The following HIPK2 variants were observed in gnomAD, a reference collection of about 807,000 sequenced individuals.
The protein encoded by HIPK2 is homeodomain interacting protein kinase 2.
A neutral mutation model predicts 113.7 loss-of-function variants in HIPK2; 27 were observed. That is an observed-to-expected ratio of 0.24 (90% CI 0.17 to 0.33). The LOEUF (loss-of-function observed/expected upper bound fraction) is 0.33. Among genes scored for constraint, HIPK2 ranks in the 10% least tolerant of loss-of-function variants. The pLI is 1.00. For synonymous variants in HIPK2, 631 were observed against 642.2 expected (o/e 0.98, Z 0.26); for missense variants, 1,257 against 1,588.0 (o/e 0.79, Z 3.54).
At chr7:139,700,393 A>G (rs1231114550) in intron 2 of HIPK2, among the ~76,000 whole-genome samples, 6 of 152,332 alleles carry the variant, frequency 3.9e-5, no homozygotes, top group Admixed American at 6.5e-5. Flanking sequence ...TAAGGCTGCA[A>G]GAGCTACCTC....
intron 2 of HIPK2, among the ~76,000 whole-genome samples, chr7:139,660,936 G>A (rs951150278): frequency 6.6e-6 from 1 of 151,966 alleles, no homozygotes; most frequent in Non-Finnish European, 1.5e-5. Flanking sequence ...CAAAGAACAC[G>A]CACGTGGATG....
intron 1 of HIPK2, among the ~76,000 whole-genome samples, chr7:139,751,738 G>C (rs1796282843): frequency 6.6e-6 from 1 of 152,012 alleles, no homozygotes; most frequent in Non-Finnish European, 1.5e-5. Context: ...AATGACTAAG[G>C]GCTTGAGAAG....
chr7:139,696,261 C>G (rs1794563730), intron 2 of HIPK2, among the ~76,000 whole-genome samples: 1 of 152,038 alleles, frequency 6.6e-6, no homozygotes, highest in African/African-American at 2.4e-5. Flanking sequence ...TGTGGCAAAC[C>G]AGGAATGGGA....
intron 1 of HIPK2, among the ~76,000 whole-genome samples, chr7:139,755,549 T>C (rs1323495666): frequency 6.6e-6 from 1 of 152,204 alleles, no homozygotes; most frequent in Non-Finnish European, 1.5e-5. Flanking sequence ...ACGGGGAAAA[T>C]CCCCACCTAA....
intron 13 of HIPK2, among the ~76,000 whole-genome samples, chr7:139,582,968 G>C (rs1798716597): frequency 6.6e-6 from 1 of 152,268 alleles, no homozygotes; most frequent in African/African-American, 2.4e-5. Context: ...GACCTCAGGT[G>C]ACAGACATGA....
At chr7:139,585,973 G>A (rs954815066) in intron 12 of HIPK2, among the ~76,000 whole-genome samples, 1 of 152,036 alleles carries the variant, frequency 6.6e-6, no homozygotes, top group African/African-American at 2.4e-5. Flanking sequence ...CTGCCCTCGA[G>A]GAGATTAAAA....
chr7:139,610,867 G>C (rs1374878235), intron 9 of HIPK2, among the ~76,000 whole-genome samples: 2 of 152,214 alleles, frequency 1.3e-5, no homozygotes, highest in Admixed American at 6.5e-5. Context: ...ATTGAGGCGA[G>C]TGAATGGAAT....
In HIPK2 at chr7:139,583,839, C is replaced by T. The variant is rs1265827863; in HGVS notation, c.2943G>A (p.Val981=). The T allele has an allele frequency of 1.9e-6, 3 of 1,612,016 alleles. No individual in the cohort carries two copies. Among genetic ancestry groups the T allele is most frequent in the Non-Finnish European group, 8.5e-7 (1 of 1,179,038 alleles). ...PLKTQASEVL[V]ECDSLVPVNT... ...TACCTGGCACCAGGCTATCACACTCCACCAATACTTCGCTGGCCTGGGTTT... is the reference window on the plus strand; with the variant it reads ...TACCTGGCACCAGGCTATCACACTCTACCAATACTTCGCTGGCCTGGGTTT... Residue 981 remains valine, a synonymous_variant, in exon 13 of 15, where the codon GTG becomes GTA. Transcript: ENST00000406875.
intron 2 of HIPK2, among the ~76,000 whole-genome samples, chr7:139,666,419 C>A (rs1802051829): frequency 6.6e-6 from 1 of 152,172 alleles, no homozygotes. Context: ...TCCTCTGGTT[C>A]TTCTTAAAGT....
intron 12 of HIPK2, among the ~76,000 whole-genome samples, chr7:139,585,586 C>A (rs1450484362): frequency 6.6e-6 from 1 of 152,134 alleles, no homozygotes; most frequent in Non-Finnish European, 1.5e-5. Flanking sequence ...GCTATTTAAC[C>A]TCTCAGTGAT....
chr7:139,603,023 T>C (rs1041781800), intron 10 of HIPK2, among the ~76,000 whole-genome samples: 1 of 151,892 alleles, frequency 6.6e-6, no homozygotes, highest in Non-Finnish European at 1.5e-5. Context: ...AGAAGGGAAG[T>C]GAGTGGGACT....
At chr7:139,766,205 C>T (rs1796550843) in intron 1 of HIPK2, among the ~76,000 whole-genome samples, 1 of 152,160 alleles carries the variant, frequency 6.6e-6, no homozygotes, top group Admixed American at 6.5e-5. Flanking sequence ...GAAGTGGAAC[C>T]TCTTTTGAGT....
intron 2 of HIPK2, among the ~76,000 whole-genome samples, chr7:139,710,599 GC>G: frequency 6.6e-6 from 1 of 152,324 alleles, no homozygotes; most frequent in East Asian, 1.9e-4. Context: ...TAGGGATCAT[GC>G]CTTACCCTCT....
chr7:139,732,819 A>ATGTG (rs71170913), intron 1 of HIPK2, among the ~76,000 whole-genome samples: 5,002 of 144,942 alleles, frequency 0.035, 245 homozygotes, highest in African/African-American at 0.11. Flanking sequence ...TTATATATAT[A>ATGTG]TGTGTGTGTG....
At chr7:139,726,920 G>A (rs1585426888) in intron 1 of HIPK2, among the ~76,000 whole-genome samples, 1 of 152,350 alleles carries the variant, frequency 6.6e-6, no homozygotes, top group South Asian at 2.1e-4. Flanking sequence ...GCTGCTGACG[G>A]TAAGAGCACA....
chr7:139,657,111 T>C (rs568636598), intron 2 of HIPK2, among the ~76,000 whole-genome samples: 5 of 152,262 alleles, frequency 3.3e-5, no homozygotes, highest in East Asian at 1.9e-4. Context: ...CCTCAAATGA[T>C]CCTCCAGCCT....
chr7:139,775,527 G>A (rs1796724623), intron 1 of HIPK2, among the ~76,000 whole-genome samples: 1 of 152,080 alleles, frequency 6.6e-6, no homozygotes, highest in Non-Finnish European at 1.5e-5. Context: ...GGAATAAAAG[G>A]GTGCACAGCG....
intron 2 of HIPK2, among the ~76,000 whole-genome samples, chr7:139,663,638 C>A (rs1449403685): frequency 2.6e-5 from 4 of 152,162 alleles, no homozygotes; most frequent in Non-Finnish European, 5.9e-5. Flanking sequence ...CGTTAGGGAT[C>A]CCAACCCAAC....
intron 2 of HIPK2, among the ~76,000 whole-genome samples, chr7:139,661,356 T>G (rs1247344713): frequency 6.6e-6 from 1 of 152,208 alleles, no homozygotes; most frequent in East Asian, 1.9e-4. Flanking sequence ...AAGTCTAACA[T>G]CTGCCTAGCT....
Sources: allele counts gnomAD v4.1 joint callset (sites outside exome capture counted in the v4.1 genomes callset), GRCh38; gene constraint gnomAD v4.1.1; transcripts MANE v1.5; gene names NCBI Gene and HGNC (gene_info 2026-07-23, HGNC 2026-07-21).